CNTN6: variants seen among roughly 807,000 people sequenced by gnomAD.
CNTN6 encodes the protein contactin-6.
CNTN6 carries 137 observed loss-of-function variants against 122.8 expected under a neutral mutation model. That is an observed-to-expected ratio of 1.12 (90% CI 0.97 to 1.29). The LOEUF (loss-of-function observed/expected upper bound fraction) is 1.29, where lower values mean the gene tolerates loss of function less well. Ranked by LOEUF, CNTN6 falls within the 50% of genes most tolerant of loss-of-function variation. The probability of loss-of-function intolerance (pLI) is 0.00; values close to 1 mark genes in which losing one functional copy is unlikely to be tolerated. For synonymous variants in CNTN6, 570 were observed against 426.0 expected, an observed-to-expected ratio of 1.34 and a Z score of -4.16; for missense variants, 1,634 against 1,223.4, an observed-to-expected ratio of 1.34 and a Z score of -5.01.
chr3:1,359,609 A>C (rs1707154554), intron 12 of CNTN6, among the ~76,000 whole-genome samples: 1 of 152,130 alleles, frequency 6.6e-6, no homozygotes, highest in Non-Finnish European at 1.5e-5. Flanking sequence ...GAAATATGAT[A>C]AATGCTGCAT....
In CNTN6 at chr3:1,321,739, T is replaced by C; in HGVS notation, c.851T>C (p.Ile284Thr). 1 of 1,611,918 alleles carries C rather than the reference T, an allele frequency of 6.2e-7. No individual in the cohort carries two copies. ...AGCAAATCCCAAGCTATCCTTGAAATCCCGAACTTCCAACAAGAAGATGAA... is the reference window on the plus strand; with the variant it reads ...AGCAAATCCCAAGCTATCCTTGAAACCCCGAACTTCCAACAAGAAGATGAA... ...KYSKSQAILEIPNFQQEDEGF... is the reference protein window; with the variant it reads ...KYSKSQAILETPNFQQEDEGF... Residue 284 changes from isoleucine to threonine, a missense_variant, in exon 8 of 23, where the codon ATC becomes ACC. Ile to Thr is a moderately conservative substitution (Grantham distance 89). Coordinates refer to ENST00000446702, the MANE Select transcript of CNTN6 (RefSeq NM_001289080.2).
chr3:1,377,784 C>A (rs1184230921), intron 17 of CNTN6, among the ~76,000 whole-genome samples: 1 of 152,138 alleles, frequency 6.6e-6, no homozygotes, highest in Non-Finnish European at 1.5e-5. Flanking sequence ...CCTCTGGATT[C>A]TCCAGAGCTG....
At chr3:1,297,653 T>TA (rs1553666486) in intron 6 of CNTN6, among the ~76,000 whole-genome samples, 1 of 148,244 alleles carries the variant, frequency 6.7e-6, no homozygotes, top group Non-Finnish European at 1.5e-5. Context: ...TTTTTTTTTT[T>TA]ATTAATCAGA....
intron 5 of CNTN6, among the ~76,000 whole-genome samples, chr3:1,282,731 C>G (rs1160884783): frequency 2.6e-5 from 4 of 152,188 alleles, no homozygotes; most frequent in East Asian, 1.9e-4. Context: ...TAAACGCTCT[C>G]TCACTGGTAG....
intron 3 of CNTN6, among the ~76,000 whole-genome samples, chr3:1,225,694 TTATTG>T (rs1194427299): frequency 2.4e-5 from 3 of 125,558 alleles, no homozygotes; most frequent in African/African-American, 4.0e-5. Context: ...AAGGGTTTTA[TTATTG>T]TTTTTTTTTT....
At chr3:1,313,862 AT>A (rs1265775470) in intron 7 of CNTN6, among the ~76,000 whole-genome samples, 1 of 152,018 alleles carries the variant, frequency 6.6e-6, no homozygotes, top group African/African-American at 2.4e-5. Flanking sequence ...GTGAGGGCTG[AT>A]CTCTGGTTCA....
At chr3:1,263,737 A>G (rs1022349513) in intron 4 of CNTN6, among the ~76,000 whole-genome samples, 1 of 152,022 alleles carries the variant, frequency 6.6e-6, no homozygotes, top group Non-Finnish European at 1.5e-5. Context: ...ACTCGCGGGA[A>G]AACAAGGTCC....
At chr3:1,367,659 G>C (rs2126125132) in intron 12 of CNTN6, among the ~76,000 whole-genome samples, 1 of 152,238 alleles carries the variant, frequency 6.6e-6, no homozygotes, top group East Asian at 1.9e-4. Context: ...CACAAGTTCA[G>C]GCTTAAAGAC....
chr3:1,099,404 T>C (rs2090754498), intron 1 of CNTN6, among the ~76,000 whole-genome samples: 2 of 152,142 alleles, frequency 1.3e-5, no homozygotes, highest in Non-Finnish European at 2.9e-5. Flanking sequence ...TGAGCCGAGA[T>C]TGAGCCATTA....
intron 2 of CNTN6, among the ~76,000 whole-genome samples, chr3:1,174,403 T>C (rs1288815136): frequency 1.3e-5 from 2 of 152,190 alleles, no homozygotes; most frequent in Admixed American, 6.5e-5. Context: ...AGGAGGTATT[T>C]TCAGATGGAA....
chr3:1,265,433 T>G (rs1380416498), intron 4 of CNTN6, among the ~76,000 whole-genome samples: 1 of 152,122 alleles, frequency 6.6e-6, no homozygotes, highest in African/African-American at 2.4e-5. Context: ...GGTCTTACAG[T>G]TTTCCCTCCT....
intron 3 of CNTN6, 112 bp from the exon 4 acceptor site, chr3:1,227,706 T>C (rs1477156482): frequency 7.0e-6 from 8 of 1,148,700 alleles, no homozygotes; most frequent in Non-Finnish European, 1.0e-5. Flanking sequence ...CCACATGTAA[T>C]CATGTTTTTT....
intron 11 of CNTN6, among the ~76,000 whole-genome samples, chr3:1,332,167 A>G (rs953695773): frequency 6.6e-6 from 1 of 151,968 alleles, no homozygotes; most frequent in African/African-American, 2.4e-5. Flanking sequence ...GTTGAAAATA[A>G]TTGAGCTCTA....
intron 7 of CNTN6, among the ~76,000 whole-genome samples, chr3:1,320,895 A>G (rs1700748695): frequency 6.6e-6 from 1 of 151,750 alleles, no homozygotes; most frequent in African/African-American, 2.4e-5. Flanking sequence ...TAGACTAAAA[A>G]TAATAGATAT....
At position 1,401,495 on chromosome 3, in the gene CNTN6, T is replaced by C; in HGVS notation, c.2767T>C (p.Trp923Arg). The change falls in exon 21 of 23, where the codon TGG (tryptophan) becomes CGG (arginine). Residue 923 changes from tryptophan (W) to arginine (R), a missense_variant. Trp to Arg is a moderately radical substitution (Grantham distance 101). Transcript: ENST00000446702. ...GACAAACTCTAAATTATGCTTGAAC[T>C]GGGAGCATGTAAAAACCATGGAAAA... ...KLTNSKLCLNWEHVKTMENES... is the reference protein window; with the variant it reads ...KLTNSKLCLNREHVKTMENES... 6.2e-7 allele frequency: 1 copy of C among 1,612,118 alleles called. No homozygotes were observed. Among genetic ancestry groups the C allele is most frequent in the South Asian group, 1.1e-5 (1 of 90,984 alleles).
intron 11 of CNTN6, among the ~76,000 whole-genome samples, chr3:1,345,493 C>G (rs1197870253): frequency 6.6e-6 from 1 of 152,066 alleles, no homozygotes; most frequent in East Asian, 1.9e-4. Context: ...AATGAGCAAA[C>G]TTTGTAATTT....
chr3:1,097,081 A>G (rs1369500620), intron 1 of CNTN6, among the ~76,000 whole-genome samples: 1 of 152,200 alleles, frequency 6.6e-6, no homozygotes, highest in African/African-American at 2.4e-5. Flanking sequence ...GAGCTGTTCT[A>G]GTTAAGACTG....
chr3:1,307,995 A>C (rs1390873523), intron 7 of CNTN6, among the ~76,000 whole-genome samples: 1 of 152,170 alleles, frequency 6.6e-6, no homozygotes, highest in East Asian at 1.9e-4. Context: ...GAAATGGGTG[A>C]CTATGTGTAG....
At chr3:1,327,635 G>T in intron 10 of CNTN6, 49 bp downstream of exon 10, 1 of 1,587,244 alleles carries the variant, frequency 6.3e-7, no homozygotes, top group Non-Finnish European at 8.6e-7. Context: ...GTTTTAACAA[G>T]CTATAATTAT....
Sources: allele counts gnomAD v4.1 joint callset (sites outside exome capture counted in the v4.1 genomes callset), GRCh38; gene constraint gnomAD v4.1.1; transcripts MANE v1.5; gene names NCBI Gene and HGNC (gene_info 2026-07-23, HGNC 2026-07-21).